Variants in DNAJC13 observed in about 807,000 individuals in gnomAD.
DNAJC13 encodes DnaJ heat shock protein family (Hsp40) member C13.
In DNAJC13, 75 loss-of-function variants were observed where a neutral mutation model predicts 290.5. The observed-to-expected ratio is 0.26, with a 90% CI of 0.21 to 0.31. The LOEUF is 0.31. DNAJC13 is among the 10% of genes least tolerant of loss of function. DNAJC13 has a pLI of 1.00. For missense variants in DNAJC13, 2,260 were observed against 2,674.5 expected (o/e 0.85, Z 3.42); for synonymous variants, 862 against 892.0 (o/e 0.97, Z 0.60).
In DNAJC13 at chr3:132,516,967, T is replaced by C; in HGVS notation, c.5673+151T>C. On this transcript the variant is annotated intron_variant, in intron 48 of 55. Transcript: ENST00000260818. The stretch of plus-strand genomic sequence containing the variant: ...GGAAAATTCACATTCCGGGAATTGT[T>C]CCTATGTATTACTGTTTGAGAAAAC... The C allele has an allele frequency of 1.6e-5, 11 of 683,332 alleles. No individual in the cohort carries two copies. The South Asian group carries it at 2.1e-4, about 13-fold the overall frequency. 42.3% of individuals were successfully genotyped at this position (683,332 alleles called of 1,614,324 possible).
At chr3:132,474,541 G>A (rs1262262623) in intron 21 of DNAJC13, among the ~76,000 whole-genome samples, 1 of 151,892 alleles carries the variant, frequency 6.6e-6, no homozygotes, top group Non-Finnish European at 1.5e-5. Context: ...CGCCTGGCCA[G>A]TAGAATTGTT....
intron 5 of DNAJC13, among the ~76,000 whole-genome samples, chr3:132,449,575 G>C (rs536620467): frequency 6.6e-6 from 1 of 152,152 alleles, no homozygotes; most frequent in Non-Finnish European, 1.5e-5. Context: ...TGTGTTCGAT[G>C]CATAGATCAG....
chr3:132,497,856 CTT>C (rs553645034), intron 36 of DNAJC13, among the ~76,000 whole-genome samples: 2 of 144,294 alleles, frequency 1.4e-5, no homozygotes. Context: ...GTATGTGTCA[CTT>C]TTTTTTTTTT....
At chr3:132,499,700 A>G (rs781165069) in intron 37 of DNAJC13, 34 bp from the exon 38 acceptor site, 4 of 1,602,772 alleles carry the variant, frequency 2.5e-6, no homozygotes, top group Non-Finnish European at 3.4e-6. Context: ...TGAAGTCAAA[A>G]TGGAGAGTTA....
rs377093401 is a variant in DNAJC13, at chr3:132,477,983, A to G, written c.2552A>G (p.Tyr851Cys). ...NEESGSIKRS[Y>C]EFFNELYHRF... ...GAACTTTTTTTTTTAAAATCTAGGTATGAATTTTTCAATGAGCTTTATCAT... is the reference window on the plus strand; with the variant it reads ...GAACTTTTTTTTTTAAAATCTAGGTGTGAATTTTTCAATGAGCTTTATCAT... Residue 851 changes from tyrosine to cysteine, a missense_variant and splice_region_variant, in exon 24 of 56, where the codon TAT becomes TGT. Coordinates refer to ENST00000260818, the MANE Select transcript of DNAJC13 (RefSeq NM_015268.4). 2.4e-5 allele frequency: 38 copies of G among 1,599,004 alleles called. No homozygotes were observed. The highest frequency in any genetic ancestry group is 3.1e-5 in the Non-Finnish European group (36 of 1,176,296).
chr3:132,534,630 A>G (rs1288705127), intron 55 of DNAJC13, among the ~76,000 whole-genome samples: 4 of 151,362 alleles, frequency 2.6e-5, no homozygotes, highest in African/African-American at 4.8e-5. Context: ...TGGGCAATAG[A>G]GCAAGACCTT....
At chr3:132,518,549 G>T (rs994416921) in intron 48 of DNAJC13, among the ~76,000 whole-genome samples, 5 of 152,040 alleles carry the variant, frequency 3.3e-5, no homozygotes, top group Non-Finnish European at 7.4e-5. Context: ...AGGTGGAAAG[G>T]TTTGGCCATG....
chr3:132,523,143 T>G lies in DNAJC13; in HGVS notation c.5844-14T>G, dbSNP rs1005962570. On this transcript the variant is annotated splice_polypyrimidine_tract_variant and intron_variant, in intron 49 of 55. Transcript: ENST00000260818. ...GTGACTGAAGTTTGGTATCCATCCC[T>G]TTTTTTCCCCAAGGCACTTTAAAAA... is the stretch of plus-strand genomic sequence containing the variant. 6 of 1,611,862 alleles carry G rather than the reference T, an allele frequency of 3.7e-6. No homozygotes were observed. In the Admixed American group the frequency reaches 5.0e-5, roughly 13 times the overall value.
chr3:132,454,413 C>T (rs982597552), intron 9 of DNAJC13, among the ~76,000 whole-genome samples: 18 of 150,080 alleles, frequency 1.2e-4, no homozygotes, highest in Non-Finnish European at 1.5e-5. Flanking sequence ...CCTCCATCTC[C>T]CGGGTTCAAG....
In DNAJC13 at chr3:132,484,526, T is replaced by C. The variant is rs777215930; in HGVS notation, c.3183-62T>C. On this transcript the variant is annotated intron_variant, in intron 28 of 55. Coordinates refer to ENST00000260818, the MANE Select transcript of DNAJC13 (RefSeq NM_015268.4). ...GCTTCATGCCTAGTAGAATGTCGTA[T>C]GCTCTGAACATACAAATTTTAACAA... 1.3e-4 allele frequency: 195 copies of C among 1,483,290 alleles called. 1 individual carries two copies. The Middle Eastern group carries it at 6.0e-3, about 46-fold the overall frequency. 91.9% of individuals were successfully genotyped at this position (1,483,290 alleles called of 1,614,324 possible). A position where few individuals can be genotyped will look rare whatever the true frequency, so the allele number is the denominator to read the frequency against.
chr3:132,434,384 C>CAAA (rs761665933), intron 1 of DNAJC13, among the ~76,000 whole-genome samples, 154 bp from the exon 2 acceptor site: 2 of 94,526 alleles, frequency 2.1e-5, no homozygotes, highest in Non-Finnish European at 4.6e-5. Context: ...AGACTCATCT[C>CAAA]AAAAAAAAAA....
rs1327055620 is a variant in DNAJC13 at position 132,457,307 on chromosome 3, T to A, written c.1388T>A (p.Leu463His). The A allele has an allele frequency of 1.9e-6, 3 of 1,613,420 alleles. No homozygotes were observed. The highest frequency in any genetic ancestry group is 2.5e-6 in the Non-Finnish European group (3 of 1,179,674). The change falls in exon 13 of 56, where the codon CTC (leucine) becomes CAC (histidine). Residue 463 changes from leucine (L) to histidine (H), a missense_variant. By Grantham distance (99) the Leu-to-His change is moderately conservative (BLOSUM62 -3). Around this residue, in one of 3 missense-constraint regions of DNAJC13, gnomAD observed 762 missense variants for 964.1 expected, o/e 0.79. Coordinates refer to ENST00000260818, the MANE Select transcript of DNAJC13 (RefSeq NM_015268.4). ...CTAGGGGTGAAGGTAGTAAAAGCAC[T>A]CAAAAGAAGCAACAACGGAATAATC... ...ERLGVKVVKA[L>H]KRSNNGIIHA...
In DNAJC13 at chr3:132,488,382, C is replaced by T. The variant is rs201491110; in HGVS notation, c.3352C>T (p.Arg1118Cys). 13 of 1,613,420 alleles carry T rather than the reference C, an allele frequency of 8.1e-6. No homozygotes were observed. The highest frequency in any genetic ancestry group is 2.2e-5 in the East Asian group (1 of 44,838). ...HIMQDNPQLP[R>C]LYLSGVFFFI... ...CATGCAAGATAACCCACAGTTACCC[C>T]GCCTTTATCTGAGTGGAGTATTTTT... The change falls in exon 30 of 56, where the codon CGC (arginine) becomes TGC (cysteine). Residue 1118 changes from arginine to cysteine, a missense_variant. Arg to Cys is a radical substitution (Grantham distance 180). This residue lies in a region of DNAJC13 where 1,494 missense variants were observed against 1,693.7 expected (regional missense o/e 0.88). Transcript: ENST00000260818.
chr3:132,498,703 C>G (rs898794484), intron 36 of DNAJC13, among the ~76,000 whole-genome samples: 1 of 151,244 alleles, frequency 6.6e-6, no homozygotes, highest in Non-Finnish European at 1.5e-5. Flanking sequence ...TTTTTTTTTA[C>G]GTTTTATTTT....
intron 50 of DNAJC13, 82 bp downstream of exon 50, chr3:132,523,281 C>A: frequency 6.8e-7 from 1 of 1,460,484 alleles, no homozygotes; most frequent in Non-Finnish European, 9.5e-7. Context: ...TAATGCCGAC[C>A]TATAACTACT....
intron 2 of DNAJC13, among the ~76,000 whole-genome samples, chr3:132,441,949 T>G (rs1933085324): frequency 6.6e-6 from 1 of 151,972 alleles, no homozygotes; most frequent in East Asian, 1.9e-4. Flanking sequence ...CAGCACAGTG[T>G]CAGATACTCA....
At chr3:132,537,315 T>C (rs1936625366) in intron 55 of DNAJC13, 2 of 444,292 alleles carry the variant, frequency 4.5e-6, no homozygotes, top group Non-Finnish European at 9.1e-6. Flanking sequence ...GCCTTTCTAG[T>C]CCTAACCCTC....
At chr3:132,481,234 G>C (rs989246281) in intron 26 of DNAJC13, among the ~76,000 whole-genome samples, 23 of 152,130 alleles carry the variant, frequency 1.5e-4, no homozygotes, top group African/African-American at 5.6e-4. Flanking sequence ...CTAACTGAAA[G>C]CTGATAATTA....
Position 132,444,166 on chromosome 3 carries a change from T to A in DNAJC13, c.69-2309T>A, listed in dbSNP as rs576915145. Among the ~76,000 whole-genome samples the A allele has an allele frequency of 4.6e-5, 7 of 152,206 alleles. 1 individual carries two copies. In the South Asian group the frequency reaches 1.5e-3, roughly 32 times the overall value. On this transcript the variant is annotated intron_variant, in intron 2 of 55. Transcript: ENST00000260818. ...AGGGATCTAGGTTGTGTGCTCCTTA[T>A]GAGAATCTAACTCATGCCTGACGAT...
Sources: allele counts gnomAD v4.1 joint callset (sites outside exome capture counted in the v4.1 genomes callset), GRCh38; gene constraint gnomAD v4.1.1; regional missense constraint gnomAD v4.1.1; transcripts MANE v1.5; gene names NCBI Gene and HGNC (gene_info 2026-07-23, HGNC 2026-07-21).